MARCO: variants seen among roughly 807,000 people sequenced by gnomAD.
MARCO encodes the protein macrophage receptor MARCO.
In MARCO, 72 loss-of-function variants were observed where a neutral mutation model predicts 70.0. The ratio of observed to expected loss-of-function variants is 1.03; its 90% CI spans 0.85 to 1.25. The LOEUF (loss-of-function observed/expected upper bound fraction) is 1.25, where lower values mean the gene tolerates loss of function less well. Among genes scored for constraint, MARCO ranks in the 50% most tolerant of loss-of-function variants. MARCO has a pLI of 0.00. For missense variants in MARCO, 696 were observed against 659.3 expected, an observed-to-expected ratio of 1.06 and a Z score of -0.61; for synonymous variants, 273 against 243.1, an observed-to-expected ratio of 1.12 and a Z score of -1.14.
intron 1 of MARCO, among the ~76,000 whole-genome samples, chr2:118,960,694 A>T (rs948370903): frequency 2.0e-5 from 3 of 151,916 alleles, no homozygotes; most frequent in Non-Finnish European, 4.4e-5. Flanking sequence ...ATATTGCTTG[A>T]TATTATTTAC....
In MARCO at chr2:118,974,571, T is replaced by C; in HGVS notation, c.613+6T>C. ...GGGAGTCAAGGGAGAGGCGGGTGAG[T>C]AGGTGCTGGGTATGTACCCAGAAAT... On this transcript the variant is annotated splice_donor_region_variant and intron_variant, in intron 6 of 16. Coordinates refer to ENST00000327097, the MANE Select transcript of MARCO (RefSeq NM_006770.4). The C allele has an allele frequency of 6.2e-7, 1 of 1,608,030 alleles. No individual in the cohort carries two copies. Among genetic ancestry groups the C allele is most frequent in the Non-Finnish European group, 8.5e-7 (1 of 1,178,328 alleles).
At chr2:118,972,510 C>T (rs1462423236) in intron 4 of MARCO, among the ~76,000 whole-genome samples, 1 of 152,110 alleles carries the variant, frequency 6.6e-6, no homozygotes, top group Non-Finnish European at 1.5e-5. Flanking sequence ...GAGTAAGTCA[C>T]CTAACATTTC....
intron 8 of MARCO, 73 bp from the exon 9 acceptor site, chr2:118,981,335 GA>G: frequency 1.1e-6 from 1 of 926,550 alleles, no homozygotes; most frequent in Non-Finnish European, 1.7e-6. Flanking sequence ...AGTGGAATGG[GA>G]AGTGTCAGAG....
chr2:118,991,875 G>T lies in MARCO; in HGVS notation c.1207G>T (p.Gly403Ter). The change falls in exon 14 of 17, where the codon GGA becomes TGA. Residue 403 changes from glycine to a stop codon, truncating the protein, a stop_gained and splice_region_variant. Coordinates refer to ENST00000327097, the MANE Select transcript of MARCO (RefSeq NM_006770.4). LOFTEE classifies it high-confidence loss of function. ...AGQKGDQGVK[G>*]SSGEQGVKGE... is the part of the protein sequence containing the mutation. Reference sequence around the variant, plus strand: ...CCAGAAGGGAGACCAGGGAGTGAAAGGTAAGGCCTCTGCATCTGATTCCTT... The same window carrying T: ...CCAGAAGGGAGACCAGGGAGTGAAATGTAAGGCCTCTGCATCTGATTCCTT... 1 of 1,589,130 alleles carries T rather than the reference G, an allele frequency of 6.3e-7. No homozygotes were observed. The highest frequency in any genetic ancestry group is 8.6e-7 in the Non-Finnish European group (1 of 1,167,734).
At position 118,990,842 on chromosome 2, in the gene MARCO, G is replaced by A. The variant is rs764362645; in HGVS notation, c.1108+209G>A. Among the ~76,000 whole-genome samples the A allele has an allele frequency of 1.1e-4, 16 of 152,110 alleles. 1 individual carries two copies. Among genetic ancestry groups the A allele is most frequent in the African/African-American group, 1.2e-4 (5 of 41,386 alleles). ...AACTCAACATCCTGAGGGGTGTAGCGTATGGGGCAGGGGCTGAGGATGGCA... is the reference window on the plus strand; with the variant it reads ...AACTCAACATCCTGAGGGGTGTAGCATATGGGGCAGGGGCTGAGGATGGCA... On this transcript the variant is annotated intron_variant, in intron 13 of 16. Coordinates refer to ENST00000327097, the MANE Select transcript of MARCO (RefSeq NM_006770.4).
At chr2:118,994,306 C>T in intron 16 of MARCO, 81 bp from the exon 17 acceptor site, 1 of 1,518,924 alleles carries the variant, frequency 6.6e-7, no homozygotes, top group South Asian at 1.1e-5. Context: ...CAGATGGAAG[C>T]TCCCAGGCGC....
At chr2:118,978,940 G>A (rs1424908425) in intron 8 of MARCO, among the ~76,000 whole-genome samples, 1 of 152,094 alleles carries the variant, frequency 6.6e-6, no homozygotes, top group Non-Finnish European at 1.5e-5. Context: ...GTTCTGATAT[G>A]GCTCACTAAC....
At chr2:118,954,447 C>G in intron 1 of MARCO, among the ~76,000 whole-genome samples, 1 of 152,162 alleles carries the variant, frequency 6.6e-6, no homozygotes, top group East Asian at 1.9e-4. Context: ...TCATACATGC[C>G]TAGTCCCACC....
chr2:118,971,854 A>G (rs1680178813), intron 4 of MARCO, among the ~76,000 whole-genome samples: 1 of 152,226 alleles, frequency 6.6e-6, no homozygotes, highest in South Asian at 2.1e-4. Context: ...TCCTGTAAGC[A>G]TTCCTTCCAG....
chr2:118,943,426 T>C (rs917151393), intron 1 of MARCO, among the ~76,000 whole-genome samples: 7 of 152,176 alleles, frequency 4.6e-5, no homozygotes, highest in African/African-American at 1.7e-4. Flanking sequence ...TCAAGCATAC[T>C]CAGCACCTAT....
intron 15 of MARCO, 144 bp from the exon 16 acceptor site, chr2:118,992,980 G>A (rs953318652): frequency 1.3e-6 from 1 of 757,672 alleles, no homozygotes; most frequent in African/African-American, 1.8e-5. Flanking sequence ...CTGTAAAGTG[G>A]GATCTTCCAG....
At chr2:118,953,829 G>A (rs1679774695) in intron 1 of MARCO, among the ~76,000 whole-genome samples, 1 of 152,188 alleles carries the variant, frequency 6.6e-6, no homozygotes. Flanking sequence ...TGCAGGAGAA[G>A]TTTCTGACTT....
intron 12 of MARCO, among the ~76,000 whole-genome samples, chr2:118,990,385 T>A (rs1413417711): frequency 6.6e-6 from 1 of 152,172 alleles, no homozygotes; most frequent in Non-Finnish European, 1.5e-5. Context: ...CTTTGCCGTT[T>A]CACCCCCAAC....
In MARCO at chr2:118,977,377, T is replaced by C; in HGVS notation, c.614-94T>C. 1.4e-5 allele frequency: 14 copies of C among 1,036,696 alleles called. No homozygotes were observed. In the South Asian group the frequency reaches 1.8e-4, roughly 13 times the overall value. 64.2% of individuals were successfully genotyped at this position (1,036,696 alleles called of 1,614,324 possible). A position where few individuals can be genotyped will look rare whatever the true frequency, so the allele number is the denominator to read the frequency against. On this transcript the variant is annotated intron_variant, in intron 6 of 16. Coordinates refer to ENST00000327097, the MANE Select transcript of MARCO (RefSeq NM_006770.4). Reference sequence around the variant, plus strand: ...GAGAAAGATCTCCTTCTGGGAACCTTGCTCAACTAAGGGAATCTAGAATGT... The same window carrying C: ...GAGAAAGATCTCCTTCTGGGAACCTCGCTCAACTAAGGGAATCTAGAATGT...
intron 8 of MARCO, among the ~76,000 whole-genome samples, chr2:118,980,617 G>A (rs1383649876): frequency 6.6e-6 from 1 of 152,214 alleles, no homozygotes; most frequent in Non-Finnish European, 1.5e-5. Flanking sequence ...AAAATGTTGT[G>A]TTGAGGTGAG....
At chr2:118,973,113 T>C (rs1440748325) in intron 4 of MARCO, among the ~76,000 whole-genome samples, 3 of 150,930 alleles carry the variant, frequency 2.0e-5, no homozygotes, top group South Asian at 2.1e-4. Context: ...TATAGATGTA[T>C]GTACATAGAG....
chr2:118,971,555 A>G, intron 4 of MARCO, 21 bp downstream of exon 4: 1 of 1,612,524 alleles, frequency 6.2e-7, no homozygotes, highest in Non-Finnish European at 8.5e-7. Flanking sequence ...TTCCACTCAC[A>G]CCCACCCTGC....
intron 8 of MARCO, among the ~76,000 whole-genome samples, chr2:118,979,111 AC>A (rs1680341585): frequency 6.6e-6 from 1 of 152,194 alleles, no homozygotes; most frequent in South Asian, 2.1e-4. Context: ...GGAATTCCTT[AC>A]AAAAAAACTG....
At position 118,992,126 on chromosome 2, in the gene MARCO, C is replaced by T. The variant is rs913027659; in HGVS notation, c.1207+251C>T. ...GAACATGCACTTGAGCCATGCCCCA[C>T]GACCCAACACTCCTAGGCAGTTTCC... On this transcript the variant is annotated intron_variant, in intron 14 of 16. Coordinates refer to ENST00000327097, the MANE Select transcript of MARCO (RefSeq NM_006770.4). Among the ~76,000 whole-genome samples, 18 of 152,302 alleles carry T rather than the reference C, an allele frequency of 1.2e-4. No homozygotes were observed. In the South Asian group the frequency reaches 1.2e-3, roughly 11 times the overall value.
Sources: allele counts gnomAD v4.1 joint callset (sites outside exome capture counted in the v4.1 genomes callset), GRCh38; gene constraint gnomAD v4.1.1; transcripts MANE v1.5; gene names NCBI Gene and HGNC (gene_info 2026-07-23, HGNC 2026-07-21).